Variants in STK32A observed in about 807,000 individuals in gnomAD.
STK32A encodes the protein serine/threonine-protein kinase 32A.
STK32A carries 41 observed loss-of-function variants against 53.2 expected under a neutral mutation model. The observed-to-expected ratio is 0.77, with a 90% CI of 0.60 to 1.00. STK32A has a LOEUF of 1.00. Among genes scored for constraint, STK32A ranks in the 50% least tolerant of loss-of-function variants. The probability of loss-of-function intolerance (pLI) is 0.00; values close to 1 mark genes in which losing one functional copy is unlikely to be tolerated. For missense variants in STK32A, 458 were observed against 485.8 expected (o/e 0.94, Z 0.54); for synonymous variants, 166 against 162.8 (o/e 1.02, Z -0.15).
Position 147,384,713 on chromosome 5 carries a change from C to G in STK32A, c.*730C>G. The G allele has an allele frequency of 2.8e-6, 1 of 354,738 alleles. No individual in the cohort carries two copies. The highest frequency in any genetic ancestry group is 5.1e-6 in the Non-Finnish European group (1 of 197,442). The allele number at this position is 354,738 out of a possible 1,614,324, so 22.0% of individuals were successfully genotyped here. A position where few individuals can be genotyped will look rare whatever the true frequency, so the allele number is the denominator to read the frequency against. ...TAAATGCTCGTTTTTTCCCTCCTAA[C>G]AAGTGAATTGCTAAATATTAGCCCA... On this transcript the variant is annotated 3_prime_UTR_variant, in exon 13 of 13. Transcript: ENST00000397936.
intron 4 of STK32A, 87 bp downstream of exon 4, chr5:147,279,485 C>T (rs1441639991): frequency 1.2e-5 from 15 of 1,216,196 alleles, no homozygotes; most frequent in Non-Finnish European, 1.7e-5. Context: ...GGGACCTCAG[C>T]CCTGGCTGGT....
intron 2 of STK32A, among the ~76,000 whole-genome samples, chr5:147,252,020 T>C (rs559490329): frequency 3.4e-4 from 51 of 151,078 alleles, no homozygotes; most frequent in Admixed American, 3.0e-3. Flanking sequence ...CTGGGCAACA[T>C]GGTGAGACTC....
intron 9 of STK32A, among the ~76,000 whole-genome samples, 192 bp downstream of exon 9, chr5:147,370,962 G>C (rs369754191): frequency 2.0e-5 from 3 of 152,220 alleles, no homozygotes; most frequent in African/African-American, 7.2e-5. Flanking sequence ...ATGTCCCAAA[G>C]CCATCTTAAA....
chr5:147,377,415 A>G (rs534960240), intron 11 of STK32A, among the ~76,000 whole-genome samples: 2 of 152,218 alleles, frequency 1.3e-5, no homozygotes, highest in African/African-American at 4.8e-5. Flanking sequence ...GAGCTTCCTC[A>G]GGACAATTTC....
At chr5:147,279,560 A>T (rs1751950325) in intron 4 of STK32A, among the ~76,000 whole-genome samples, 162 bp downstream of exon 4, 1 of 152,216 alleles carries the variant, frequency 6.6e-6, no homozygotes, top group Non-Finnish European at 1.5e-5. Context: ...GTGAAAGTAC[A>T]GAGATTTATT....
chr5:147,367,192 A>T (rs756421871), intron 8 of STK32A, among the ~76,000 whole-genome samples: 4 of 151,782 alleles, frequency 2.6e-5, no homozygotes, highest in Admixed American at 6.6e-5. Context: ...GAGCCTCCCA[A>T]GTAGCTGGGA....
At chr5:147,345,951 AC>A (rs1755664873) in intron 6 of STK32A, among the ~76,000 whole-genome samples, 1 of 152,208 alleles carries the variant, frequency 6.6e-6, no homozygotes, top group African/African-American at 2.4e-5. Context: ...AAGTGAGCAA[AC>A]AAAAAAGACT....
At chr5:147,318,922 C>T (rs577749359) in intron 4 of STK32A, among the ~76,000 whole-genome samples, 2 of 152,284 alleles carry the variant, frequency 1.3e-5, no homozygotes, top group South Asian at 4.1e-4. Flanking sequence ...TGGCTCTCAT[C>T]AAGCCTTGGT....
chr5:147,361,806 G>C (rs1442652101), intron 8 of STK32A, among the ~76,000 whole-genome samples, 192 bp downstream of exon 8: 2 of 152,178 alleles, frequency 1.3e-5, no homozygotes, highest in African/African-American at 4.8e-5. Flanking sequence ...GACCAACCAT[G>C]TCAATTACCA....
chr5:147,316,961 A>T (rs971585045), intron 4 of STK32A, among the ~76,000 whole-genome samples: 1 of 151,726 alleles, frequency 6.6e-6, no homozygotes, highest in Non-Finnish European at 1.5e-5. Context: ...GTTTCTCTGT[A>T]TAAAAGTACT....
downstream of STK32A, among the ~76,000 whole-genome samples, chr5:147,388,995 C>A (rs1456649616): frequency 2.0e-5 from 3 of 152,174 alleles, no homozygotes; most frequent in Non-Finnish European, 2.9e-5. Flanking sequence ...TAAACCAAAG[C>A]TTATTAAACA....
intron 11 of STK32A, among the ~76,000 whole-genome samples, chr5:147,379,732 C>T (rs573369043): frequency 1.3e-5 from 2 of 152,296 alleles, no homozygotes; most frequent in Non-Finnish European, 1.5e-5. Context: ...CTCTTGTTCT[C>T]CTTCTGAGAT....
intron 4 of STK32A, among the ~76,000 whole-genome samples, chr5:147,303,350 C>A (rs150674705): frequency 5.3e-5 from 8 of 152,206 alleles, no homozygotes; most frequent in Non-Finnish European, 1.0e-4. Context: ...GCCTTGAAGG[C>A]GGGGGCTAGC....
In STK32A at chr5:147,370,695, T is replaced by C. The variant is rs1231368824; in HGVS notation, c.702T>C (p.Ile234=). The change falls in exon 9 of 13, where the codon ATT becomes ATC. Residue 234 remains isoleucine (I), a synonymous_variant. Transcript: ENST00000397936. ...HIRSSTSSKE[I]VHTFETTVVT... is the part of the protein sequence containing the mutation. ...GCTCCAGTACTTCCAGCAAGGAAAT[T>C]GTACACACGTTTGAGACGACTGTTG... The C allele has an allele frequency of 6.2e-7, 1 of 1,612,502 alleles. No homozygotes were observed. The highest frequency in any genetic ancestry group is 1.3e-5 in the African/African-American group (1 of 74,880).
intron 5 of STK32A, among the ~76,000 whole-genome samples, chr5:147,332,234 A>T (rs1253673998): frequency 6.6e-6 from 1 of 152,186 alleles, no homozygotes; most frequent in Non-Finnish European, 1.5e-5. Flanking sequence ...GAGAATATTC[A>T]GTAAGTCAAG....
chr5:147,361,640 G>T (rs1180912467), intron 8 of STK32A, 26 bp downstream of exon 8: 1 of 1,501,334 alleles, frequency 6.7e-7, no homozygotes, highest in African/African-American at 1.4e-5. Context: ...TTCCTCTTTG[G>T]TTATTTTTCC....
intron 2 of STK32A, among the ~76,000 whole-genome samples, chr5:147,261,909 C>T (rs1055236922): frequency 6.6e-6 from 1 of 152,186 alleles, no homozygotes; most frequent in Admixed American, 6.5e-5. Context: ...TGCTTCTGCT[C>T]ATCCTCAGCG....
chr5:147,251,405 T>A lies in STK32A; in HGVS notation c.52+11719T>A, dbSNP rs572964277. Among the ~76,000 whole-genome samples the A allele has an allele frequency of 3.3e-5, 5 of 152,284 alleles. No homozygotes were observed. In the South Asian group the frequency reaches 1.0e-3, roughly 32 times the overall value. The stretch of plus-strand genomic sequence containing the variant: ...AGATTGTCGAACAACCATAATGCAT[T>A]TTATCATTCGATCAGTCTACAATTT... On this transcript the variant is annotated intron_variant, in intron 2 of 12. Coordinates refer to ENST00000397936, the MANE Select transcript of STK32A (RefSeq NM_001112724.2).
the STK32A span, chr5:147,401,747 C>A: frequency 5.6e-6 from 9 of 1,604,652 alleles, no homozygotes; most frequent in Admixed American, 6.8e-5. Context: ...ATATGCTGCA[C>A]TGGGCCAAGC....
Sources: allele counts gnomAD v4.1 joint callset (sites outside exome capture counted in the v4.1 genomes callset), GRCh38; gene constraint gnomAD v4.1.1; transcripts MANE v1.5; gene names NCBI Gene and HGNC (gene_info 2026-07-23, HGNC 2026-07-21).